Variants in MAPK8 observed in about 807,000 individuals in gnomAD.
The protein encoded by MAPK8 is mitogen-activated protein kinase 8.
A neutral mutation model predicts 52.9 loss-of-function variants in MAPK8; 13 were observed. That is an observed-to-expected ratio of 0.25 (90% CI 0.16 to 0.39). The LOEUF is 0.39. MAPK8 is among the 10% of genes least tolerant of loss of function. The probability of loss-of-function intolerance (pLI) is 1.00; values close to 1 mark genes in which losing one functional copy is unlikely to be tolerated. For synonymous variants in MAPK8, 191 were observed against 169.8 expected, an observed-to-expected ratio of 1.12 and a Z score of -0.97; for missense variants, 300 against 519.2, an observed-to-expected ratio of 0.58 and a Z score of 4.10.
In MAPK8 at chr10:48,306,780, C is replaced by T. The variant is rs1018962104; in HGVS notation, c.-91C>T. On this transcript the variant is annotated 5_prime_UTR_variant, in exon 1 of 12. Coordinates refer to ENST00000374189, the MANE Select transcript of MAPK8 (RefSeq NM_001323329.2). ...GCGACCACCCCGGACGGCCCCTGTC[C>T]CCGCTGGCGGGCTTCCCTGTCGCCG... 1 of 151,584 alleles carries T rather than the reference C, an allele frequency of 6.6e-6. No individual in the cohort carries two copies. The highest frequency in any genetic ancestry group is 1.5e-5 in the Non-Finnish European group (1 of 67,844). 9.4% of individuals were successfully genotyped at this position (151,584 alleles called of 1,614,324 possible).
chr10:48,432,021 G>C (rs1157497328), intron 11 of MAPK8, among the ~76,000 whole-genome samples: 1 of 152,168 alleles, frequency 6.6e-6, no homozygotes, highest in Non-Finnish European at 1.5e-5. Flanking sequence ...CTATTATGTA[G>C]ATGAACTAAT....
chr10:48,402,834 A>T (rs1216571352), intron 2 of MAPK8, among the ~76,000 whole-genome samples: 1 of 152,224 alleles, frequency 6.6e-6, no homozygotes, highest in Non-Finnish European at 1.5e-5. Context: ...AAATAGCATC[A>T]AATCTATCAA....
chr10:48,379,761 C>T (rs2040875798), intron 1 of MAPK8, among the ~76,000 whole-genome samples: 1 of 152,000 alleles, frequency 6.6e-6, no homozygotes, highest in African/African-American at 2.4e-5. Flanking sequence ...TTCATTAACA[C>T]ATCAGTTTTT....
intron 5 of MAPK8, among the ~76,000 whole-genome samples, chr10:48,417,677 T>C (rs528469306): frequency 7.2e-5 from 11 of 152,202 alleles, no homozygotes; most frequent in African/African-American, 2.6e-4. Flanking sequence ...CCATATTCCA[T>C]TGGACAAAAT....
chr10:48,377,408 A>G (rs187438531), intron 1 of MAPK8, among the ~76,000 whole-genome samples: 1 of 152,126 alleles, frequency 6.6e-6, no homozygotes, highest in African/African-American at 2.4e-5. Context: ...ACTGATCACT[A>G]TATCCAGATA....
chr10:48,362,933 G>T (rs7478030), intron 1 of MAPK8, among the ~76,000 whole-genome samples: 16,525 of 151,808 alleles, frequency 0.11, 1,272 homozygotes, highest in Admixed American at 0.28. Context: ...TATGGACAGG[G>T]TTTCACCATG....
At chr10:48,396,862 A>G (rs1198437299) in intron 1 of MAPK8, among the ~76,000 whole-genome samples, 1 of 152,186 alleles carries the variant, frequency 6.6e-6, no homozygotes, top group Non-Finnish European at 1.5e-5. Flanking sequence ...TACATTCCAG[A>G]TACACATCCT....
rs200828204 is a variant in MAPK8 at position 48,394,258 on chromosome 10, TG to T, written c.-49-7353del. On this transcript the variant is annotated intron_variant, in intron 1 of 11. Transcript: ENST00000374189. ...TCTTTCTGAAAATAAGAGGGAACAC[TG>T]TTGCAACTCATTTTATGTCAGCATT... Among the ~76,000 whole-genome samples, 630 of 152,070 alleles carry T rather than the reference TG, an allele frequency of 4.1e-3. 6 individuals carry two copies. The highest frequency in any genetic ancestry group is 0.017 in the East Asian group (89 of 5,192).
chr10:48,335,799 C>T (rs1048856106), intron 1 of MAPK8, among the ~76,000 whole-genome samples: 1 of 152,148 alleles, frequency 6.6e-6, no homozygotes, highest in Non-Finnish European at 1.5e-5. Context: ...GTGGATATTC[C>T]TCTTTTATAT....
intron 1 of MAPK8, among the ~76,000 whole-genome samples, chr10:48,373,595 A>AAAAAAAAAAAAAAAAAT: frequency 6.8e-6 from 1 of 147,332 alleles, no homozygotes; most frequent in African/African-American, 2.6e-5. Context: ...AAAAAAAAAA[A>AAAAAAAAAAAAAAAAAT]AAAGCCAGGG....
chr10:48,365,546 C>T (rs777801623), intron 1 of MAPK8, among the ~76,000 whole-genome samples: 16 of 152,038 alleles, frequency 1.1e-4, no homozygotes, highest in Admixed American at 2.0e-4. Flanking sequence ...GTACTATTAC[C>T]GCATTTACAC....
intron 1 of MAPK8, among the ~76,000 whole-genome samples, chr10:48,354,136 T>G (rs1025761385): frequency 2.0e-5 from 3 of 152,098 alleles, no homozygotes; most frequent in African/African-American, 7.3e-5. Flanking sequence ...TTCCTTTGAA[T>G]CTAAAATTAT....
At chr10:48,345,029 T>C (rs1387446652) in intron 1 of MAPK8, among the ~76,000 whole-genome samples, 2 of 152,190 alleles carry the variant, frequency 1.3e-5, no homozygotes, top group Non-Finnish European at 2.9e-5. Flanking sequence ...TTGAAAAAGA[T>C]TGTGCAATTT....
At chr10:48,408,925 G>A (rs1306867129) in intron 3 of MAPK8, among the ~76,000 whole-genome samples, 1 of 152,144 alleles carries the variant, frequency 6.6e-6, no homozygotes, top group African/African-American at 2.4e-5. Context: ...CTCAAGGAGA[G>A]GGAGAGAAAA....
At chr10:48,307,054 C>A (rs1236220722) in intron 1 of MAPK8, 2 of 151,850 alleles carry the variant, frequency 1.3e-5, no homozygotes, top group African/African-American at 2.4e-5. Flanking sequence ...GCCCGCCAGC[C>A]CGCCTGCCGC....
intron 1 of MAPK8, among the ~76,000 whole-genome samples, chr10:48,313,259 C>G (rs770509525): frequency 6.6e-6 from 1 of 152,062 alleles, no homozygotes; most frequent in Non-Finnish European, 1.5e-5. Flanking sequence ...ATAGTGATAC[C>G]CCGTCTATAC....
chr10:48,398,118 T>G (rs1042152153), intron 1 of MAPK8, among the ~76,000 whole-genome samples: 2 of 152,158 alleles, frequency 1.3e-5, no homozygotes, highest in African/African-American at 4.8e-5. Context: ...AACTGTAATA[T>G]TTTTGTAACT....
chr10:48,423,479 T>C (rs1230515059), intron 6 of MAPK8, among the ~76,000 whole-genome samples: 3 of 152,226 alleles, frequency 2.0e-5, no homozygotes, highest in Non-Finnish European at 4.4e-5. Flanking sequence ...AAATGTAGCA[T>C]GATGTTGCCA....
At chr10:48,359,185 C>T (rs999357386) in intron 1 of MAPK8, among the ~76,000 whole-genome samples, 1 of 151,992 alleles carries the variant, frequency 6.6e-6, no homozygotes, top group Non-Finnish European at 1.5e-5. Flanking sequence ...CTGCTCTTTT[C>T]CTAATTCAAA....
Sources: allele counts gnomAD v4.1 joint callset (sites outside exome capture counted in the v4.1 genomes callset), GRCh38; gene constraint gnomAD v4.1.1; transcripts MANE v1.5; gene names NCBI Gene and HGNC (gene_info 2026-07-23, HGNC 2026-07-21).